The following ADGRL3 variants were observed in gnomAD, a reference collection of about 807,000 sequenced individuals.
ADGRL3 encodes calcium-independent alpha-latrotoxin receptor 3.
Under a neutral mutation model 153.5 loss-of-function variants are expected in ADGRL3, and 62 were observed. The ratio of observed to expected loss-of-function variants is 0.40; its 90% CI spans 0.33 to 0.50. ADGRL3 has a LOEUF of 0.50. ADGRL3 is among the 20% of genes least tolerant of loss of function. The pLI is 0.47. For synonymous variants in ADGRL3, 710 were observed against 672.5 expected, an observed-to-expected ratio of 1.06 and a Z score of -0.86; for missense variants, 1,641 against 1,859.4, an observed-to-expected ratio of 0.88 and a Z score of 2.16.
chr4:61,762,930 C>T (rs964009752), intron 8 of ADGRL3, among the ~76,000 whole-genome samples: 6 of 152,042 alleles, frequency 3.9e-5, no homozygotes, highest in Non-Finnish European at 7.4e-5. Context: ...CCTACAAACC[C>T]TCTACATGTT....
At chr4:62,006,023 TATATATA>T (rs1560495213) in intron 21 of ADGRL3, among the ~76,000 whole-genome samples, 2 of 104,344 alleles carry the variant, frequency 1.9e-5, no homozygotes, top group African/African-American at 3.5e-5. Flanking sequence ...TATATATATA[TATATATA>T]TATTTTTTTT....
At chr4:61,301,014 C>T (rs747836820) in intron 1 of ADGRL3, among the ~76,000 whole-genome samples, 8 of 152,114 alleles carry the variant, frequency 5.3e-5, no homozygotes, top group Non-Finnish European at 1.2e-4. Context: ...CCACCCGCCT[C>T]GGGCTCCGGA....
intron 1 of ADGRL3, among the ~76,000 whole-genome samples, chr4:61,371,402 A>G (rs1035031374): frequency 4.0e-5 from 6 of 151,858 alleles, no homozygotes; most frequent in African/African-American, 1.5e-4. Context: ...CGCTTCCTTC[A>G]GGAGCTCTTT....
intron 9 of ADGRL3, among the ~76,000 whole-genome samples, chr4:61,875,795 G>A (rs1281695013): frequency 1.3e-5 from 2 of 152,172 alleles, no homozygotes; most frequent in Non-Finnish European, 2.9e-5. Flanking sequence ...GGCATATTCT[G>A]TGGTCAACAT....
chr4:61,902,898 A>T (rs1356535134), intron 11 of ADGRL3, among the ~76,000 whole-genome samples: 7 of 152,190 alleles, frequency 4.6e-5, no homozygotes, highest in African/African-American at 1.4e-4. Context: ...AACTCTTTCC[A>T]TGGCTAGTAT....
chr4:61,878,337 T>C (rs777650647), intron 9 of ADGRL3, among the ~76,000 whole-genome samples: 13 of 152,300 alleles, frequency 8.5e-5, no homozygotes, highest in African/African-American at 1.2e-4. Flanking sequence ...GGGAGCATAA[T>C]TGAGCCCATA....
At position 61,837,498 on chromosome 4, in the gene ADGRL3, T is replaced by G. The variant is rs559667735; in HGVS notation, c.1480+23609T>G. Reference sequence around the variant, plus strand: ...AACGGGAAGATGTTAGGAAAGTTTGTGATAATGTTCATCTATACAGGTATG... The same window carrying G: ...AACGGGAAGATGTTAGGAAAGTTTGGGATAATGTTCATCTATACAGGTATG... On this transcript the variant is annotated intron_variant, in intron 9 of 26. Coordinates refer to ENST00000683033, the MANE Select transcript of ADGRL3 (RefSeq NM_001387552.1). Among the ~76,000 whole-genome samples the G allele has an allele frequency of 3.9e-5, 6 of 152,250 alleles. No individual in the cohort carries two copies. The East Asian group carries it at 1.2e-3, about 29-fold the overall frequency.
chr4:61,274,973 C>A (rs1021049635), intron 1 of ADGRL3, among the ~76,000 whole-genome samples: 1 of 152,078 alleles, frequency 6.6e-6, no homozygotes, highest in African/African-American at 2.4e-5. Context: ...TCTGGCTTTG[C>A]CACTAACTAG....
chr4:61,302,444 T>A (rs2094609179), intron 1 of ADGRL3, among the ~76,000 whole-genome samples: 2 of 152,162 alleles, frequency 1.3e-5, no homozygotes, highest in African/African-American at 4.8e-5. Flanking sequence ...GTATTGGATT[T>A]TTTTTTTAAT....
In ADGRL3 at chr4:61,804,313, G is replaced by A. The variant is rs1016532172; in HGVS notation, c.1400-9496G>A. On this transcript the variant is annotated intron_variant, in intron 8 of 26. Transcript: ENST00000683033. ...ATCTCAATCAGCTAACTAACATGCT[G>A]TCAAATCTTGCTGGGCCATCCTCCT... Among the ~76,000 whole-genome samples, 10 of 152,066 alleles carry A rather than the reference G, an allele frequency of 6.6e-5. No homozygotes were observed. In the South Asian group the frequency reaches 2.1e-3, roughly 31 times the overall value.
intron 1 of ADGRL3, among the ~76,000 whole-genome samples, chr4:61,316,879 T>C (rs1011766307): frequency 6.6e-6 from 1 of 152,234 alleles, no homozygotes; most frequent in Non-Finnish European, 1.5e-5. Context: ...ATGCCTTCTC[T>C]TTATTATTTT....
intron 2 of ADGRL3, among the ~76,000 whole-genome samples, chr4:61,473,629 T>C (rs1451227428): frequency 6.6e-6 from 1 of 152,058 alleles, no homozygotes; most frequent in Non-Finnish European, 1.5e-5. Context: ...CCAAAACATG[T>C]ATAGAGTTTA....
intron 2 of ADGRL3, among the ~76,000 whole-genome samples, chr4:61,487,661 C>T (rs765549447): frequency 1.3e-5 from 2 of 151,918 alleles, no homozygotes; most frequent in Non-Finnish European, 2.9e-5. Context: ...TCTTAAATGG[C>T]ATATTGTTAA....
chr4:61,349,575 T>G (rs1261304731), intron 1 of ADGRL3, among the ~76,000 whole-genome samples: 1 of 152,008 alleles, frequency 6.6e-6, no homozygotes, highest in African/African-American at 2.4e-5. Flanking sequence ...TCCAGACTCC[T>G]GGTTGCATTG....
At chr4:61,972,672 T>C (rs1160642639) in intron 17 of ADGRL3, among the ~76,000 whole-genome samples, 1 of 152,146 alleles carries the variant, frequency 6.6e-6, no homozygotes. Context: ...AACTTTAAAG[T>C]AGTTTTTTCC....
At chr4:61,836,734 T>G (rs891319320) in intron 9 of ADGRL3, among the ~76,000 whole-genome samples, 3 of 152,134 alleles carry the variant, frequency 2.0e-5, no homozygotes, top group African/African-American at 7.2e-5. Context: ...TTACTTCTGT[T>G]GAACGTTTTA....
rs771260983 is a variant in ADGRL3 at position 61,979,559 on chromosome 4, C to T, written c.2806-4C>T. 3.1e-6 allele frequency: 5 copies of T among 1,612,778 alleles called. No homozygotes were observed. The Admixed American group carries it at 5.0e-5, about 16-fold the overall frequency. ...AACTTATGGCTTTTTCATTGTGTTT[C>T]CAGCACAGTGATGCGGTCCATGACC... On this transcript the variant is annotated splice_region_variant and splice_polypyrimidine_tract_variant and intron_variant, in intron 17 of 26. Coordinates refer to ENST00000683033, the MANE Select transcript of ADGRL3 (RefSeq NM_001387552.1).
chr4:61,607,270 G>A (rs184153499), intron 5 of ADGRL3, among the ~76,000 whole-genome samples: 7 of 152,088 alleles, frequency 4.6e-5, no homozygotes, highest in Admixed American at 1.3e-4. Context: ...GGAGCCAGTC[G>A]GTTGCCAGAA....
chr4:61,246,113 C>T (rs1228349809), intron 1 of ADGRL3, among the ~76,000 whole-genome samples: 1 of 152,000 alleles, frequency 6.6e-6, no homozygotes, highest in African/African-American at 2.4e-5. Flanking sequence ...AAATCTACAA[C>T]TCTTTTCAGA....
Sources: gnomAD v4.1 joint callset for allele counts (sites outside exome capture counted in the v4.1 genomes callset) on GRCh38, gnomAD v4.1.1 for gene constraint, MANE v1.5 for transcripts, NCBI Gene and HGNC (gene_info 2026-07-23, HGNC 2026-07-21) for gene names.